SCFD2: variants seen among roughly 807,000 people sequenced by gnomAD.
SCFD2 encodes the protein sec1 family domain containing 2.
SCFD2 carries 54 observed loss-of-function variants against 58.9 expected under a neutral mutation model. The ratio of observed to expected loss-of-function variants is 0.92; its 90% confidence interval spans 0.74 to 1.15. The LOEUF (loss-of-function observed/expected upper bound fraction) is 1.15, where lower values mean the gene tolerates loss of function less well. SCFD2 is among the 50% of genes most tolerant of loss of function. The probability of loss-of-function intolerance (pLI) is 0.00; values close to 1 mark genes in which losing one functional copy is unlikely to be tolerated. For missense variants in SCFD2, 805 were observed against 836.6 expected, an observed-to-expected ratio of 0.96 and a Z score of 0.47; for synonymous variants, 321 against 335.9, an observed-to-expected ratio of 0.96 and a Z score of 0.49.
chr4:53,133,101 G>T (rs2148901180), intron 5 of SCFD2, among the ~76,000 whole-genome samples: 1 of 152,164 alleles, frequency 6.6e-6, no homozygotes, highest in Non-Finnish European at 1.5e-5. Context: ...GGCCGAGGCG[G>T]GTGGATCACA....
chr4:53,023,001 A>G (rs1248339054), intron 5 of SCFD2, among the ~76,000 whole-genome samples: 1 of 152,206 alleles, frequency 6.6e-6, no homozygotes, highest in Non-Finnish European at 1.5e-5. Context: ...CCAAAAGGCT[A>G]AAAGAGCCAC....
At chr4:53,187,207 A>G (rs1431128313) in intron 4 of SCFD2, among the ~76,000 whole-genome samples, 2 of 151,784 alleles carry the variant, frequency 1.3e-5, no homozygotes, top group Non-Finnish European at 2.9e-5. Context: ...ATGAGAAAAC[A>G]CACCTTATTT....
chr4:53,179,143 C>A (rs1727450943), intron 4 of SCFD2, among the ~76,000 whole-genome samples: 1 of 152,092 alleles, frequency 6.6e-6, no homozygotes, highest in African/African-American at 2.4e-5. Flanking sequence ...TCAGGAAATA[C>A]AGAAAACACC....
intron 2 of SCFD2, among the ~76,000 whole-genome samples, chr4:53,322,570 A>G (rs1352226438): frequency 3.3e-5 from 5 of 152,242 alleles, no homozygotes; most frequent in African/African-American, 1.2e-4. Flanking sequence ...TAACACTATA[A>G]TCAACACAAA....
chr4:53,054,204 GCTTATTTCA>G (rs1723261300), intron 5 of SCFD2, among the ~76,000 whole-genome samples: 1 of 152,050 alleles, frequency 6.6e-6, no homozygotes, highest in Non-Finnish European at 1.5e-5. Context: ...TCTGTGCTTG[GCTTATTTCA>G]CTTAGTAACC....
chr4:53,100,651 A>G (rs763925007), intron 5 of SCFD2, among the ~76,000 whole-genome samples: 3 of 152,196 alleles, frequency 2.0e-5, no homozygotes, highest in Non-Finnish European at 4.4e-5. Context: ...CTGGAGCAGG[A>G]AAGAATGAAC....
chr4:53,145,411 C>T lies in SCFD2; in HGVS notation c.1483G>A (p.Glu495Lys). ...LTVDKDLCEAEEKVKKALAQV... is the reference protein window; with the variant it reads ...LTVDKDLCEAKEKVKKALAQV... ...GCCAATGCTTTCTTGACTTTTTCTT[C>T]TGCTTCACACAGGTCTTTGTCTACC... The change falls in exon 5 of 9, where the codon GAA becomes AAA. Residue 495 changes from glutamate to lysine, a missense_variant. Glu to Lys is a moderately conservative substitution (Grantham distance 56, BLOSUM62 1). Transcript: ENST00000401642. 3 of 1,614,140 alleles carry T rather than the reference C, an allele frequency of 1.9e-6. No individual in the cohort carries two copies. The highest frequency in any genetic ancestry group is 2.5e-6 in the Non-Finnish European group (3 of 1,180,002).
chr4:53,200,800 ACT>A (rs1266028061), intron 4 of SCFD2, among the ~76,000 whole-genome samples: 1 of 152,130 alleles, frequency 6.6e-6, no homozygotes, highest in Admixed American at 6.6e-5. Context: ...CTTCTAGAAG[ACT>A]CAACCTCATG....
At chr4:53,080,322 G>A (rs1481348136) in intron 5 of SCFD2, among the ~76,000 whole-genome samples, 2 of 152,046 alleles carry the variant, frequency 1.3e-5, no homozygotes, top group African/African-American at 2.4e-5. Context: ...AGACTTTCTG[G>A]CTTAAAAGGC....
chr4:53,300,844 T>C (rs1015995651), intron 3 of SCFD2, among the ~76,000 whole-genome samples: 4 of 152,212 alleles, frequency 2.6e-5, no homozygotes, highest in Non-Finnish European at 5.9e-5. Context: ...TGCTCCTGAA[T>C]GACTACTGGG....
intron 4 of SCFD2, among the ~76,000 whole-genome samples, chr4:53,186,757 G>T (rs1467924021): frequency 2.0e-5 from 3 of 152,008 alleles, no homozygotes; most frequent in Non-Finnish European, 4.4e-5. Context: ...AGCAAGAGAA[G>T]AATTAAATAA....
intron 5 of SCFD2, among the ~76,000 whole-genome samples, chr4:53,084,657 C>T (rs1724253071): frequency 6.6e-6 from 1 of 152,172 alleles, no homozygotes; most frequent in South Asian, 2.1e-4. Context: ...TCCAGCTGGT[C>T]CCTCCGTTCG....
chr4:53,191,910 A>G (rs1451985197), intron 4 of SCFD2, among the ~76,000 whole-genome samples: 2 of 152,182 alleles, frequency 1.3e-5, no homozygotes, highest in Non-Finnish European at 2.9e-5. Context: ...CCTTTCCAGT[A>G]GAGACCACTC....
chr4:53,246,996 CA>C (rs55821656), intron 4 of SCFD2, among the ~76,000 whole-genome samples: 2,563 of 94,950 alleles, frequency 0.027, 53 homozygotes, highest in African/African-American at 0.08. Context: ...AAAAAATTTA[CA>C]AAAAAAAAAA....
At chr4:52,962,524 A>G (rs1720874290) in intron 5 of SCFD2, among the ~76,000 whole-genome samples, 1 of 152,228 alleles carries the variant, frequency 6.6e-6, no homozygotes, top group African/African-American at 2.4e-5. Flanking sequence ...AGCACATTTA[A>G]GAAGAAGCAT....
intron 4 of SCFD2, among the ~76,000 whole-genome samples, chr4:53,181,595 C>G (rs1313326457): frequency 6.6e-6 from 1 of 152,120 alleles, no homozygotes; most frequent in Non-Finnish European, 1.5e-5. Context: ...AAAACGGGTA[C>G]AAGACAGAGA....
At chr4:53,252,784 C>T (rs912998638) in intron 4 of SCFD2, among the ~76,000 whole-genome samples, 1 of 152,026 alleles carries the variant, frequency 6.6e-6, no homozygotes, top group Non-Finnish European at 1.5e-5. Flanking sequence ...CCATAAAAAC[C>T]CTAGAAGAAA....
intron 4 of SCFD2, among the ~76,000 whole-genome samples, chr4:53,149,736 T>C (rs1726451446): frequency 6.6e-6 from 1 of 152,158 alleles, no homozygotes; most frequent in Non-Finnish European, 1.5e-5. Context: ...TGTGATTTGA[T>C]GAGAATGGTG....
intron 3 of SCFD2, among the ~76,000 whole-genome samples, chr4:53,290,656 A>G (rs1451694838): frequency 6.6e-6 from 1 of 151,994 alleles, no homozygotes; most frequent in Non-Finnish European, 1.5e-5. Context: ...CCATGGAAAA[A>G]ATAATTTTAA....
Sources: gnomAD v4.1 joint callset for allele counts (sites outside exome capture counted in the v4.1 genomes callset) on GRCh38, gnomAD v4.1.1 for gene constraint, MANE v1.5 for transcripts, NCBI Gene and HGNC (gene_info 2026-07-23, HGNC 2026-07-21) for gene names.